ANOS1: variants seen among roughly 807,000 people sequenced by gnomAD.
ANOS1 encodes the protein anosmin-1.
A neutral mutation model predicts 59.0 loss-of-function variants in ANOS1; 6 were observed. That is an observed-to-expected ratio of 0.10 (90% confidence interval 0.06 to 0.20). The LOEUF (loss-of-function observed/expected upper bound fraction) is 0.20. Ranked by LOEUF, ANOS1 falls within the 10% of genes least tolerant of loss-of-function variation. ANOS1 has a pLI of 1.00. For synonymous variants in ANOS1, 217 were observed against 223.4 expected (o/e 0.97, Z 0.25); for missense variants, 433 against 542.3 (o/e 0.80, Z 2.00).
chrX:8,594,714 A>ATATATATGTG (rs1930697976), intron 4 of ANOS1, among the ~76,000 whole-genome samples: 4 of 71,031 alleles, frequency 5.6e-5, no homozygotes, highest in South Asian at 1.3e-3. Flanking sequence ...ATATATACAC[A>ATATATATGTG]TATATATATC....
At chrX:8,727,723 T>G (rs938189632) in intron 1 of ANOS1, among the ~76,000 whole-genome samples, 8 of 112,116 alleles carry the variant, frequency 7.1e-5, no homozygotes, top group Non-Finnish European at 1.1e-4. Flanking sequence ...CTGTGAGACA[T>G]GAGTGTTCCC....
chrX:8,553,710 A>G (rs1929894265), intron 9 of ANOS1, among the ~76,000 whole-genome samples: 1 of 111,899 alleles, frequency 8.9e-6, no homozygotes, highest in African/African-American at 3.2e-5. Flanking sequence ...ATATAACATC[A>G]GCCAATCAGC....
intron 2 of ANOS1, among the ~76,000 whole-genome samples, chrX:8,665,504 G>A (rs1199290238): frequency 8.9e-6 from 1 of 112,306 alleles, no homozygotes; most frequent in African/African-American, 3.2e-5. Context: ...CTAGGTGGTA[G>A]ATATATGGGT....
rs150998983 is a variant in ANOS1 at position 8,547,426 on chromosome X, A to G, written c.1354+6526T>C. On this transcript the variant is annotated intron_variant, in intron 9 of 13. Transcript: ENST00000262648. ...TAATCCAGCCTTTAAAATGTACCTT[A>G]AACTTTACCTCCTCTGTGAAAATTC... is the stretch of plus-strand genomic sequence containing the variant. Among the ~76,000 whole-genome samples, 289 of 111,951 alleles carry G rather than the reference A, an allele frequency of 2.6e-3. 1 individual carries two copies. The highest frequency in any genetic ancestry group is 8.7e-3 in the African/African-American group (268 of 30,826).
intron 8 of ANOS1, among the ~76,000 whole-genome samples, chrX:8,567,121 G>A (rs945276656): frequency 5.4e-5 from 6 of 111,931 alleles, no homozygotes; most frequent in African/African-American, 1.3e-4. Flanking sequence ...AACCGGTATC[G>A]ACGTTTGAAC....
At chrX:8,535,859 T>C (rs1305147939) in intron 11 of ANOS1, 48 bp from the exon 12 acceptor site, 49 of 1,036,089 alleles carry the variant, frequency 4.7e-5, no homozygotes, top group Non-Finnish European at 6.5e-5. Context: ...CTGGAGAAGG[T>C]GTGCCCAAGG....
chrX:8,650,476 G>C (rs1210425076), intron 2 of ANOS1, among the ~76,000 whole-genome samples: 1 of 112,147 alleles, frequency 8.9e-6, no homozygotes, highest in Non-Finnish European at 1.9e-5. Flanking sequence ...AGATAAACAG[G>C]CTAGGCCAAG....
Position 8,587,875 on chromosome X carries a change from C to G in ANOS1, c.645G>C (p.Val215=). Residue 215 remains valine (V), a synonymous_variant, in exon 5 of 14, where the codon GTG becomes GTC. Coordinates refer to ENST00000262648, the MANE Select transcript of ANOS1 (RefSeq NM_000216.4). ...SSKFNISIEP[V]IYVVQRRWNY... ...TCCATCTTCTTTGTACCACATAGAT[C>G]ACAGGCTCAATAGAAATATTGAATT... 8.3e-7 allele frequency: 1 copy of G among 1,205,868 alleles called. No homozygotes were observed. The highest frequency in any genetic ancestry group is 1.8e-5 in the South Asian group (1 of 56,438).
chrX:8,681,631 A>G (rs1932427312), intron 2 of ANOS1, among the ~76,000 whole-genome samples: 1 of 111,407 alleles, frequency 9.0e-6, no homozygotes, highest in African/African-American at 3.3e-5. Context: ...CTCCTCTTTC[A>G]AAGTCTCCAA....
intron 8 of ANOS1, among the ~76,000 whole-genome samples, chrX:8,557,720 G>A: frequency 8.9e-6 from 1 of 112,006 alleles, no homozygotes; most frequent in Non-Finnish European, 1.9e-5. Flanking sequence ...CTTTTGCACT[G>A]TTGGTGGGAG....
chrX:8,684,879 G>A (rs1187423277), intron 2 of ANOS1, among the ~76,000 whole-genome samples: 1 of 110,430 alleles, frequency 9.1e-6, no homozygotes, highest in African/African-American at 3.3e-5. Context: ...GAGGAGCTGC[G>A]TCCCCAAGGA....
intron 2 of ANOS1, among the ~76,000 whole-genome samples, chrX:8,667,113 C>T (rs958577623): frequency 9.0e-6 from 1 of 111,399 alleles, no homozygotes; most frequent in Non-Finnish European, 1.9e-5. Flanking sequence ...ATGCTTTCAC[C>T]CAAGGCTGTC....
chrX:8,664,328 C>A (rs1372969279), intron 2 of ANOS1, among the ~76,000 whole-genome samples: 6 of 110,699 alleles, frequency 5.4e-5, no homozygotes, highest in Admixed American at 3.8e-4. Flanking sequence ...GTAGCTGGGA[C>A]TACAGGAGTG....
At chrX:8,656,915 C>A (rs1931941023) in intron 2 of ANOS1, among the ~76,000 whole-genome samples, 2 of 111,692 alleles carry the variant, frequency 1.8e-5, no homozygotes, top group Admixed American at 1.9e-4. Flanking sequence ...CCCTGGGAGG[C>A]AATCTCTAAA....
At chrX:8,601,450 T>C (rs1930841970) in intron 3 of ANOS1, among the ~76,000 whole-genome samples, 1 of 111,627 alleles carries the variant, frequency 9.0e-6, no homozygotes, top group African/African-American at 3.3e-5. Flanking sequence ...ACAGAGGCTA[T>C]GTCTCCTTAT....
chrX:8,701,820 T>TC (rs1020685228), intron 1 of ANOS1, among the ~76,000 whole-genome samples: 4 of 110,929 alleles, frequency 3.6e-5, no homozygotes, highest in African/African-American at 6.6e-5. Flanking sequence ...AATTATAGGA[T>TC]CCCCCCCAAA....
intron 6 of ANOS1, 104 bp downstream of exon 6, chrX:8,585,163 G>C (rs1248593924): frequency 1.1e-6 from 1 of 940,553 alleles, no homozygotes; most frequent in Admixed American, 2.5e-5. Context: ...AAAGCCACCT[G>C]TTGACTAACT....
intron 7 of ANOS1, among the ~76,000 whole-genome samples, chrX:8,569,504 T>C (rs1485566653): frequency 9.0e-6 from 1 of 111,059 alleles, no homozygotes; most frequent in Middle Eastern, 4.6e-3. Context: ...TAGCTGGGTG[T>C]GGTGGCGGGC....
In ANOS1 at chrX:8,568,272, C is replaced by T. The variant is rs1408971393; in HGVS notation, c.1167G>A (p.Lys389=). The stretch of plus-strand genomic sequence containing the variant: ...GTGTCGATGTGAAGTGAAGGGACAC[C>T]TTTGCACTCTTCAGCCGTGTCTGTC... ...YWGQTRLKSA[K]VSLHFTSTHA... The change falls in exon 8 of 14, where the codon AAG becomes AAA. Residue 389 remains lysine, a synonymous_variant. Coordinates refer to ENST00000262648, the MANE Select transcript of ANOS1 (RefSeq NM_000216.4). 2 of 1,208,102 alleles carry T rather than the reference C, an allele frequency of 1.7e-6. No homozygotes were observed. The highest frequency in any genetic ancestry group is 1.8e-5 in the South Asian group (1 of 56,742).
Sources: gnomAD v4.1 joint callset for allele counts (sites outside exome capture counted in the v4.1 genomes callset) on GRCh38, gnomAD v4.1.1 for gene constraint, MANE v1.5 for transcripts, NCBI Gene and HGNC (gene_info 2026-07-23, HGNC 2026-07-21) for gene names.